Variants in DCC observed in about 807,000 individuals in gnomAD.
DCC encodes netrin receptor DCC.
In DCC, 58 loss-of-function variants were observed where a neutral mutation model predicts 172.5. The observed-to-expected ratio is 0.34, with a 90% CI of 0.27 to 0.42. DCC has a LOEUF of 0.42. Among genes scored for constraint, DCC ranks in the 10% least tolerant of loss-of-function variants. The pLI is 1.00. For missense variants in DCC, 1,740 were observed against 1,791.0 expected, an observed-to-expected ratio of 0.97 and a Z score of 0.51; for synonymous variants, 709 against 644.5, an observed-to-expected ratio of 1.10 and a Z score of -1.52.
chr18:52,355,396 T>C lies in DCC; in HGVS notation c.91+14518T>C, dbSNP rs1984316633. On this transcript the variant is annotated intron_variant, in intron 1 of 28. Coordinates refer to ENST00000442544, the MANE Select transcript of DCC (RefSeq NM_005215.4). ...AATGAGTTCCATGAAACATATTATG[T>C]ACACGTGGGTGCAAATCTTGGCTCT... Among the ~76,000 whole-genome samples, 2 of 152,166 alleles carry C rather than the reference T, an allele frequency of 1.3e-5. 1 individual carries two copies. The highest frequency in any genetic ancestry group is 4.1e-4 in the South Asian group (2 of 4,836).
At chr18:52,801,799 A>C (rs1378292375) in intron 2 of DCC, among the ~76,000 whole-genome samples, 3 of 152,210 alleles carry the variant, frequency 2.0e-5, no homozygotes, top group Non-Finnish European at 4.4e-5. Flanking sequence ...ACTAGATTCC[A>C]AATTGCCCTG....
At chr18:52,905,085 C>T (rs914389918) in intron 2 of DCC, among the ~76,000 whole-genome samples, 3 of 152,000 alleles carry the variant, frequency 2.0e-5, no homozygotes, top group Non-Finnish European at 2.9e-5. Flanking sequence ...GGCAGAGAAG[C>T]CTTCTCTCTC....
chr18:52,641,682 C>A (rs886829797), intron 1 of DCC, among the ~76,000 whole-genome samples: 1 of 151,856 alleles, frequency 6.6e-6, no homozygotes, highest in African/African-American at 2.4e-5. Flanking sequence ...CTTATTCCTG[C>A]AAGAATGGCC....
chr18:53,199,963 G>A (rs1237223856), intron 9 of DCC, among the ~76,000 whole-genome samples: 1 of 152,088 alleles, frequency 6.6e-6, no homozygotes, highest in Non-Finnish European at 1.5e-5. Flanking sequence ...TAGTACCAAA[G>A]GGCAGTCATT....
At chr18:53,508,814 T>C (rs563938509) in intron 27 of DCC, among the ~76,000 whole-genome samples, 20 of 152,312 alleles carry the variant, frequency 1.3e-4, no homozygotes, top group African/African-American at 4.8e-4. Flanking sequence ...TCCCTTAGTC[T>C]AGAGAAAAGA....
chr18:53,130,915 G>A (rs531338397), intron 7 of DCC, among the ~76,000 whole-genome samples: 1 of 152,148 alleles, frequency 6.6e-6, no homozygotes, highest in African/African-American at 2.4e-5. Flanking sequence ...AATTGTACAC[G>A]GGATGTTCAG....
At chr18:53,153,593 C>A (rs2054679415) in intron 7 of DCC, among the ~76,000 whole-genome samples, 1 of 152,256 alleles carries the variant, frequency 6.6e-6, no homozygotes, top group Non-Finnish European at 1.5e-5. Flanking sequence ...TCAAGTTGAA[C>A]CCCACTTTTC....
chr18:52,814,945 T>C (rs1343130458), intron 2 of DCC, among the ~76,000 whole-genome samples: 1 of 152,162 alleles, frequency 6.6e-6, no homozygotes, highest in East Asian at 1.9e-4. Context: ...TCTGAGTTGC[T>C]TGAAAGACAA....
At chr18:53,115,407 G>C (rs2043394827) in intron 7 of DCC, among the ~76,000 whole-genome samples, 1 of 151,654 alleles carries the variant, frequency 6.6e-6, no homozygotes, top group Non-Finnish European at 1.5e-5. Flanking sequence ...TGGGGTGTGT[G>C]TGTGTGTGGT....
intron 1 of DCC, among the ~76,000 whole-genome samples, chr18:52,557,884 T>G (rs2032950594): frequency 6.6e-6 from 1 of 152,228 alleles, no homozygotes; most frequent in Non-Finnish European, 1.5e-5. Context: ...GGTTTCGAAC[T>G]CCTGGCCTCA....
At chr18:53,184,616 T>G (rs1355545292) in intron 9 of DCC, among the ~76,000 whole-genome samples, 1 of 152,122 alleles carries the variant, frequency 6.6e-6, no homozygotes, top group African/African-American at 2.4e-5. Context: ...TGTTTGTACA[T>G]CTGAGCATGT....
intron 1 of DCC, among the ~76,000 whole-genome samples, chr18:52,362,400 A>G (rs1984656602): frequency 6.6e-6 from 1 of 152,186 alleles, no homozygotes; most frequent in Non-Finnish European, 1.5e-5. Flanking sequence ...CTATCTCTTT[A>G]TGCTCTACGA....
At chr18:52,593,965 TG>T (rs2033856264) in intron 1 of DCC, among the ~76,000 whole-genome samples, 1 of 152,220 alleles carries the variant, frequency 6.6e-6, no homozygotes, top group South Asian at 2.1e-4. Context: ...GCAATTCCAG[TG>T]GATGTAAAAA....
chr18:53,123,632 T>C (rs1215274441), intron 7 of DCC, among the ~76,000 whole-genome samples: 1 of 152,074 alleles, frequency 6.6e-6, no homozygotes, highest in Non-Finnish European at 1.5e-5. Flanking sequence ...TCTTGTGAAG[T>C]CATTTTCTGT....
intron 7 of DCC, among the ~76,000 whole-genome samples, chr18:53,080,867 A>G (rs1328634473): frequency 6.6e-6 from 1 of 152,060 alleles, no homozygotes; most frequent in African/African-American, 2.4e-5. Context: ...ACAGGGCCTT[A>G]TCATGCATCT....
intron 5 of DCC, among the ~76,000 whole-genome samples, chr18:52,974,442 C>A (rs563115552): frequency 6.6e-6 from 1 of 152,240 alleles, no homozygotes; most frequent in South Asian, 2.1e-4. Context: ...GCCACATTTG[C>A]ATAAGGCTGC....
chr18:52,819,393 G>A (rs952185778), intron 2 of DCC, among the ~76,000 whole-genome samples: 1 of 152,160 alleles, frequency 6.6e-6, no homozygotes, highest in Admixed American at 6.5e-5. Context: ...ACAACTTCCT[G>A]ACTAGATTAG....
intron 5 of DCC, among the ~76,000 whole-genome samples, chr18:53,011,412 A>G (rs920284750): frequency 6.6e-6 from 1 of 151,720 alleles, no homozygotes; most frequent in Non-Finnish European, 1.5e-5. Flanking sequence ...TTTAAATTCA[A>G]TACTTTATTT....
At chr18:52,888,663 A>G (rs1298766442) in intron 2 of DCC, among the ~76,000 whole-genome samples, 1 of 151,992 alleles carries the variant, frequency 6.6e-6, no homozygotes, top group African/African-American at 2.4e-5. Context: ...TAATTATGTC[A>G]GTTATTTAAC....
Sources: allele counts gnomAD v4.1 joint callset (sites outside exome capture counted in the v4.1 genomes callset), GRCh38; gene constraint gnomAD v4.1.1; transcripts MANE v1.5; gene names NCBI Gene and HGNC (gene_info 2026-07-23, HGNC 2026-07-21).